CLN8: variants seen among roughly 807,000 people sequenced by gnomAD.
CLN8 encodes protein CLN8.
Under a neutral mutation model 15.7 loss-of-function variants are expected in CLN8, and 14 were observed. That is an observed-to-expected ratio of 0.89 (90% CI 0.59 to 1.39). The LOEUF (loss-of-function observed/expected upper bound fraction) is 1.39. CLN8 is among the 40% of genes most tolerant of loss of function. The pLI, the probability that CLN8 is intolerant of heterozygous loss-of-function variation, is 0.00. For synonymous variants in CLN8, 188 were observed against 151.0 expected, an observed-to-expected ratio of 1.25 and a Z score of -1.80; for missense variants, 415 against 364.0, an observed-to-expected ratio of 1.14 and a Z score of -1.14.
At chr8:1,764,777 G>T (rs576783058) in intron 1 of CLN8, 3 of 152,258 alleles carry the variant, frequency 2.0e-5, no homozygotes, top group Admixed American at 6.5e-5. Flanking sequence ...GTAGGGAGGG[G>T]AGCCAGGGGC....
At position 1,782,310 on chromosome 8, in the gene CLN8, A is replaced by G. The variant is rs1285724921; in HGVS notation, c.*1743A>G. On this transcript the variant is annotated 3_prime_UTR_variant, in exon 3 of 3. Transcript: ENST00000331222. Reference sequence around the variant, plus strand: ...CAGGTACCTCTACCATGCCTGGCTGATTTTTTGTATTTTTAGTAGAGACAG... The same window carrying G: ...CAGGTACCTCTACCATGCCTGGCTGGTTTTTTGTATTTTTAGTAGAGACAG... 6.6e-6 allele frequency: 1 copy of G among 151,756 alleles called. No individual in the cohort carries two copies. The highest frequency in any genetic ancestry group is 1.5e-5 in the Non-Finnish European group (1 of 67,996). The allele number at this position is 151,756 out of a possible 1,614,324, so 9.4% of individuals were successfully genotyped here. A position where few individuals can be genotyped will look rare whatever the true frequency, so the allele number is the denominator to read the frequency against.
chr8:1,754,895 GC>G (rs912833719), upstream of CLN8, among the ~76,000 whole-genome samples: 2 of 152,222 alleles, frequency 1.3e-5, no homozygotes, highest in Non-Finnish European at 2.9e-5. Flanking sequence ...CCAGAAGCAG[GC>G]CGGAAGTTCT....
chr8:1,771,328 C>G lies in CLN8; in HGVS notation c.274C>G (p.His92Asp), dbSNP rs34030778. 2 of 1,614,194 alleles carry G rather than the reference C, an allele frequency of 1.2e-6. No homozygotes were observed. Among genetic ancestry groups the G allele is most frequent in the Non-Finnish European group, 1.7e-6 (2 of 1,180,044 alleles). The change falls in exon 2 of 3, where the codon CAT becomes GAT. Residue 92 changes from histidine (H) to aspartate (D), a missense_variant. Coordinates refer to ENST00000331222, the MANE Select transcript of CLN8 (RefSeq NM_018941.4). ...LWALLGDPVL[H>D]ADKARGQQNW... Reference sequence around the variant, plus strand: ...GGCTCTGCTGGGGGACCCTGTGCTGCATGCCGACAAGGCGCGTGGCCAGCA... The same window carrying G: ...GGCTCTGCTGGGGGACCCTGTGCTGGATGCCGACAAGGCGCGTGGCCAGCA...
chr8:1,768,793 T>C (rs556818002), intron 1 of CLN8, among the ~76,000 whole-genome samples: 2 of 152,338 alleles, frequency 1.3e-5, no homozygotes, highest in Admixed American at 1.3e-4. Flanking sequence ...TGCTGCACAC[T>C]GAATACCAGA....
At chr8:1,759,946 C>G (rs1800753895), upstream of CLN8, 1 of 152,192 alleles carries the variant, frequency 6.6e-6, no homozygotes. Flanking sequence ...AAGAGAACTC[C>G]TCCCATCCCT....
upstream of CLN8, among the ~76,000 whole-genome samples, chr8:1,754,898 G>T (rs971714090): frequency 1.3e-5 from 2 of 152,202 alleles, no homozygotes; most frequent in Non-Finnish European, 2.9e-5. Flanking sequence ...GAAGCAGGCC[G>T]GAAGTTCTTT....
chr8:1,754,191 C>T (rs1411490438), upstream of CLN8, among the ~76,000 whole-genome samples: 1 of 152,210 alleles, frequency 6.6e-6, no homozygotes, highest in East Asian at 1.9e-4. Flanking sequence ...CCTATCAAAT[C>T]CCCTGCAAGT....
chr8:1,781,170 C>CA lies in CLN8; in HGVS notation c.*605dup, dbSNP rs1254149099. 1.6e-4 allele frequency: 25 copies of CA among 152,848 alleles called. No individual in the cohort carries two copies. The highest frequency in any genetic ancestry group is 1.4e-3 in the Admixed American group (22 of 15,318). 9.5% of individuals were successfully genotyped at this position (152,848 alleles called of 1,614,324 possible). ...GCCAGGAGTTCGAGACCAGCCTGGT[C>CA]AAGATGGTGAAACCCCATCTCTACT... On this transcript the variant is annotated 3_prime_UTR_variant, in exon 3 of 3. Coordinates refer to ENST00000331222, the MANE Select transcript of CLN8 (RefSeq NM_018941.4).
chr8:1,771,243 C>G lies in CLN8; in HGVS notation c.189C>G (p.Phe63Leu), dbSNP rs2130991033. 1 of 1,613,736 alleles carries G rather than the reference C, an allele frequency of 6.2e-7. No homozygotes were observed. The highest frequency in any genetic ancestry group is 1.3e-5 in the African/African-American group (1 of 75,006). The change falls in exon 2 of 3, where the codon TTC (phenylalanine) becomes TTG (leucine). Residue 63 changes from phenylalanine (F) to leucine (L), a missense_variant. Transcript: ENST00000331222. ...YRSLVAREKVFWDLAATRAVF... is the reference protein window; with the variant it reads ...YRSLVAREKVLWDLAATRAVF... Reference sequence around the variant, plus strand: ...CTTTGGTGGCCAGAGAGAAGGTCTTCTGGGACCTGGCGGCCACGCGTGCAG... The same window carrying G: ...CTTTGGTGGCCAGAGAGAAGGTCTTGTGGGACCTGGCGGCCACGCGTGCAG...
chr8:1,769,149 A>G (rs918967261), intron 1 of CLN8, among the ~76,000 whole-genome samples: 1 of 152,198 alleles, frequency 6.6e-6, no homozygotes, highest in Non-Finnish European at 1.5e-5. Context: ...ATGGAGAAAC[A>G]GACAAACTCT....
rs998886400 is a variant in CLN8 at position 1,783,165 on chromosome 8, A to C, written c.*2598A>C. The C allele has an allele frequency of 2.6e-5, 4 of 152,292 alleles. No individual in the cohort carries two copies. Among genetic ancestry groups the C allele is most frequent in the African/African-American group, 9.6e-5 (4 of 41,476 alleles). 9.4% of individuals were successfully genotyped at this position (152,292 alleles called of 1,614,324 possible). ...ATGTAGCTATAGTGGAGCATGGTAC[A>C]AGCGACATTCATGAGCTCTGACTTC... On this transcript the variant is annotated 3_prime_UTR_variant, in exon 3 of 3. Transcript: ENST00000331222.
intron 2 of CLN8, among the ~76,000 whole-genome samples, chr8:1,777,628 A>G (rs1056584625): frequency 3.3e-5 from 5 of 151,852 alleles, no homozygotes; most frequent in African/African-American, 1.2e-4. Flanking sequence ...ACTTTTTTTT[A>G]AATTGTTGAA....
At chr8:1,757,244 C>G (rs926072209) in intron 1 of CLN8, among the ~76,000 whole-genome samples, 1 of 152,158 alleles carries the variant, frequency 6.6e-6, no homozygotes, top group Non-Finnish European at 1.5e-5. Flanking sequence ...TTGTCGGAAG[C>G]CTGGTAGCTT....
intron 2 of CLN8, among the ~76,000 whole-genome samples, chr8:1,776,018 C>T (rs962820381): frequency 2.0e-5 from 3 of 151,738 alleles, no homozygotes; most frequent in African/African-American, 7.3e-5. Context: ...TGTGGTGGTG[C>T]TCCAGCACAC....
In CLN8 at chr8:1,776,147, A is replaced by G. The variant is rs547066183; in HGVS notation, c.544-4103A>G. On this transcript the variant is annotated intron_variant, in intron 2 of 2. Coordinates refer to ENST00000331222, the MANE Select transcript of CLN8 (RefSeq NM_018941.4). ...TCTGTGAGGGGCACACATGCGTGGC[A>G]GTGCCCCGGCACACAAATGATGACA... Among the ~76,000 whole-genome samples the G allele has an allele frequency of 7.9e-5, 12 of 151,984 alleles. 1 individual carries two copies. In the South Asian group the frequency reaches 2.5e-3, roughly 32 times the overall value.
chr8:1,773,384 G>A (rs1449868556), intron 2 of CLN8, among the ~76,000 whole-genome samples: 2 of 152,276 alleles, frequency 1.3e-5, no homozygotes, highest in East Asian at 1.9e-4. Context: ...TGGTTTGGGC[G>A]GTGGCAGGAG....
upstream of CLN8, chr8:1,763,326 C>CCCGGCCCCGCCCCTCCCG (rs1331892947): frequency 2.7e-5 from 4 of 147,142 alleles, no homozygotes; most frequent in East Asian, 2.0e-4. Flanking sequence ...CATGGTTCAG[C>CCCGGCCCCGCCCCTCCCG]CCGGCCCCGC....
chr8:1,778,982 TTGAGCAAAATCA>T (rs1253975270), intron 2 of CLN8, among the ~76,000 whole-genome samples: 1 of 152,190 alleles, frequency 6.6e-6, no homozygotes, highest in African/African-American at 2.4e-5. Context: ...CAGCCTACGT[TTGAGCAAAATCA>T]TATAGCACAA....
intron 2 of CLN8, among the ~76,000 whole-genome samples, chr8:1,774,065 G>A (rs1299304773): frequency 6.6e-6 from 1 of 152,290 alleles, no homozygotes; most frequent in South Asian, 2.1e-4. Flanking sequence ...CCAGTCCTCA[G>A]GGGAAAGCAG....
Sources: allele counts gnomAD v4.1 joint callset (sites outside exome capture counted in the v4.1 genomes callset), GRCh38; gene constraint gnomAD v4.1.1; transcripts MANE v1.5; gene names NCBI Gene and HGNC (gene_info 2026-07-23, HGNC 2026-07-21).